Variants in NOXRED1 observed in about 807,000 individuals in gnomAD.
The protein encoded by NOXRED1 is NADP dependent oxidoreductase domain containing 1, also known as NADP-dependent oxidoreductase domain-containing protein 1.
NOXRED1 carries 20 observed loss-of-function variants against 30.4 expected under a neutral mutation model. The ratio of observed to expected loss-of-function variants is 0.66; its 90% CI spans 0.46 to 0.96. NOXRED1 has a LOEUF of 0.96. Ranked by LOEUF, NOXRED1 falls within the 40% of genes least tolerant of loss-of-function variation. NOXRED1 has a pLI of 0.00. For synonymous variants in NOXRED1, 155 were observed against 168.0 expected, an observed-to-expected ratio of 0.92 and a Z score of 0.60; for missense variants, 374 against 428.0, an observed-to-expected ratio of 0.87 and a Z score of 1.11.
intron 5 of NOXRED1, among the ~76,000 whole-genome samples, chr14:77,397,497 T>C (rs1307699887): frequency 6.6e-6 from 1 of 152,230 alleles, no homozygotes; most frequent in Non-Finnish European, 1.5e-5. Flanking sequence ...GCAATATCTA[T>C]TTCCATTGAT....
At chr14:77,411,496 G>A (rs1363691986) in intron 2 of NOXRED1, among the ~76,000 whole-genome samples, 1 of 149,874 alleles carries the variant, frequency 6.7e-6, no homozygotes, top group Non-Finnish European at 1.5e-5. Context: ...AAAAAACTTG[G>A]ATATATTTCA....
chr14:77,404,844 G>A (rs529527332), intron 5 of NOXRED1, among the ~76,000 whole-genome samples: 72 of 152,224 alleles, frequency 4.7e-4, no homozygotes, highest in South Asian at 4.2e-4. Flanking sequence ...TGGATCTAGT[G>A]ACATGGAAGT....
At chr14:77,408,486 T>C (rs954113427) in intron 2 of NOXRED1, among the ~76,000 whole-genome samples, 7 of 152,190 alleles carry the variant, frequency 4.6e-5, no homozygotes, top group Admixed American at 2.0e-4. Context: ...ATGAGCCCTA[T>C]GTGCTGCCCA....
chr14:77,410,462 A>T (rs1894620791), intron 2 of NOXRED1, among the ~76,000 whole-genome samples: 1 of 152,066 alleles, frequency 6.6e-6, no homozygotes, highest in African/African-American at 2.4e-5. Context: ...TACAAAAATT[A>T]GCTGGGCATG....
At chr14:77,413,647 G>A (rs1450058562) in intron 2 of NOXRED1, among the ~76,000 whole-genome samples, 1 of 152,164 alleles carries the variant, frequency 6.6e-6, no homozygotes, top group Non-Finnish European at 1.5e-5. Context: ...TCAGTTAGAA[G>A]ATCTGAACTC....
intron 1 of NOXRED1, among the ~76,000 whole-genome samples, chr14:77,422,530 T>A (rs1179769635): frequency 2.6e-5 from 4 of 152,198 alleles, no homozygotes; most frequent in African/African-American, 9.6e-5. Flanking sequence ...TACTAATCCA[T>A]GCTTTATTAT....
At chr14:77,413,700 TCAC>T (rs899142661) in intron 2 of NOXRED1, among the ~76,000 whole-genome samples, 3 of 152,098 alleles carry the variant, frequency 2.0e-5, no homozygotes, top group African/African-American at 7.2e-5. Context: ...GAAAGATACT[TCAC>T]CACCAAGGGC....
intron 1 of NOXRED1, among the ~76,000 whole-genome samples, 154 bp downstream of exon 1, chr14:77,422,581 C>T (rs1895023795): frequency 6.6e-6 from 1 of 152,084 alleles, no homozygotes; most frequent in Non-Finnish European, 1.5e-5. Context: ...TTTTCCTGTC[C>T]TTTTAGACCA....
chr14:77,415,181 AACACACACACACACACACACAC>A (rs57039967), intron 1 of NOXRED1, among the ~76,000 whole-genome samples: 8 of 149,402 alleles, frequency 5.4e-5, no homozygotes, highest in Non-Finnish European at 1.2e-4. Flanking sequence ...GTCTCAGGAA[AACACACACACACACACACACAC>A]ACACACACAC....
intron 2 of NOXRED1, among the ~76,000 whole-genome samples, chr14:77,411,643 C>A (rs1894655399): frequency 6.6e-6 from 1 of 152,070 alleles, no homozygotes; most frequent in Non-Finnish European, 1.5e-5. Context: ...GGGTGGAGAG[C>A]TTCAGGGAAG....
At chr14:77,413,584 GGCCAACT>G (rs1403235829) in intron 2 of NOXRED1, among the ~76,000 whole-genome samples, 1 of 151,940 alleles carries the variant, frequency 6.6e-6, no homozygotes, top group East Asian at 1.9e-4. Flanking sequence ...AAAAATATAA[GGCCAACT>G]GCAAATGCCT....
chr14:77,399,515 G>A (rs1370553982), intron 5 of NOXRED1, among the ~76,000 whole-genome samples: 3 of 152,150 alleles, frequency 2.0e-5, no homozygotes, highest in Non-Finnish European at 4.4e-5. Flanking sequence ...GGCAGACTAC[G>A]GAAGCAGAAA....
In NOXRED1 at chr14:77,416,563, T is replaced by A. The variant is rs372859173; in HGVS notation, c.156-2436A>T. On this transcript the variant is annotated intron_variant, in intron 1 of 5. Coordinates refer to ENST00000380835, the MANE Select transcript of NOXRED1 (RefSeq NM_001113475.3). ...GGATCCCAAGGCAGAAGAATTTTTC[T>A]TAGTACAGAACAAAATGAAAAGTCT... Among the ~76,000 whole-genome samples the A allele has an allele frequency of 7.7e-4, 118 of 152,338 alleles. 1 individual carries two copies. In the East Asian group the frequency reaches 0.019, roughly 24 times the overall value.
Position 77,407,493 on chromosome 14 carries a change from T to G in NOXRED1, c.502A>C (p.Ser168Arg). ...GGTAGTGGGATGGCAGCTACAAAGC[T>G]GTACACAATGCTGGCCTTCTCAAGG... ...TSLEKASIVY[S>R]FVAAIPLPRL... Residue 168 changes from serine to arginine, a missense_variant, in exon 3 of 6, where the codon AGC becomes CGC. Coordinates refer to ENST00000380835, the MANE Select transcript of NOXRED1 (RefSeq NM_001113475.3). 1 of 1,614,078 alleles carries G rather than the reference T, an allele frequency of 6.2e-7. No homozygotes were observed. The highest frequency in any genetic ancestry group is 8.5e-7 in the Non-Finnish European group (1 of 1,179,920).
chr14:77,412,142 A>T (rs1894678563), intron 2 of NOXRED1, among the ~76,000 whole-genome samples: 1 of 151,404 alleles, frequency 6.6e-6, no homozygotes, highest in Admixed American at 6.6e-5. Context: ...ATAAAGCTGT[A>T]CCAATTCTTT....
At chr14:77,398,509 C>T (rs922188036) in intron 5 of NOXRED1, among the ~76,000 whole-genome samples, 26 of 152,174 alleles carry the variant, frequency 1.7e-4, no homozygotes, top group African/African-American at 5.8e-4. Context: ...GGAATGGGCT[C>T]CTCAACTCCA....
At chr14:77,412,089 C>A (rs1031854562) in intron 2 of NOXRED1, among the ~76,000 whole-genome samples, 1 of 108,618 alleles carries the variant, frequency 9.2e-6, no homozygotes, top group African/African-American at 3.7e-5. Context: ...GGTGACAGAG[C>A]AAGACTCAGT....
At chr14:77,410,690 A>G (rs1447129743) in intron 2 of NOXRED1, among the ~76,000 whole-genome samples, 1 of 152,188 alleles carries the variant, frequency 6.6e-6, no homozygotes, top group African/African-American at 2.4e-5. Flanking sequence ...CAACAGAAAA[A>G]ATGGTCAGAA....
chr14:77,397,840 C>G (rs1317290406), intron 5 of NOXRED1, among the ~76,000 whole-genome samples: 1 of 150,384 alleles, frequency 6.6e-6, no homozygotes, highest in Non-Finnish European at 1.5e-5. Flanking sequence ...CGAGATTGCA[C>G]CACTCACTCC....
Sources: allele counts gnomAD v4.1 joint callset (sites outside exome capture counted in the v4.1 genomes callset), GRCh38; gene constraint gnomAD v4.1.1; transcripts MANE v1.5; gene names NCBI Gene and HGNC (gene_info 2026-07-23, HGNC 2026-07-21).